Variants in PRKG1 observed in about 807,000 individuals in gnomAD.
PRKG1 encodes the protein cGMP-dependent protein kinase 1.
In PRKG1, 35 loss-of-function variants were observed where a neutral mutation model predicts 88.1. That is an observed-to-expected ratio of 0.40 (90% CI 0.30 to 0.53). PRKG1 has a LOEUF of 0.53. PRKG1 is among the 20% of genes least tolerant of loss of function. The pLI is 0.59. For missense variants in PRKG1, 540 were observed against 839.8 expected (o/e 0.64, Z 4.41); for synonymous variants, 303 against 292.5 (o/e 1.04, Z -0.37).
chr10:51,637,550 A>T (rs558596984), intron 3 of PRKG1, among the ~76,000 whole-genome samples: 9 of 152,378 alleles, frequency 5.9e-5, no homozygotes, highest in African/African-American at 2.2e-4. Flanking sequence ...TAGATAAAGA[A>T]AATGTTGTAT....
intron 9 of PRKG1, among the ~76,000 whole-genome samples, chr10:52,219,972 A>T (rs983074890): frequency 1.3e-5 from 2 of 151,390 alleles, no homozygotes; most frequent in African/African-American, 4.8e-5. Flanking sequence ...TGTGAACATC[A>T]TATTTGCCTC....
At chr10:52,082,485 C>A (rs149355178) in intron 7 of PRKG1, among the ~76,000 whole-genome samples, 1 of 152,218 alleles carries the variant, frequency 6.6e-6, no homozygotes, top group African/African-American at 2.4e-5. Context: ...CCTATCATGA[C>A]CATGTTACCA....
chr10:52,042,762 A>G (rs1166755424), intron 5 of PRKG1, among the ~76,000 whole-genome samples: 1 of 152,172 alleles, frequency 6.6e-6, no homozygotes, highest in Non-Finnish European at 1.5e-5. Flanking sequence ...CAGCAGGGGA[A>G]ACAATCAACA....
chr10:51,949,473 T>A (rs887824280), intron 5 of PRKG1, among the ~76,000 whole-genome samples: 19 of 151,204 alleles, frequency 1.3e-4, no homozygotes, highest in Non-Finnish European at 1.8e-4. Context: ...TATATATATA[T>A]AAATAAAATT....
chr10:51,439,241 A>G (rs1839027092), intron 2 of PRKG1, among the ~76,000 whole-genome samples: 1 of 152,002 alleles, frequency 6.6e-6, no homozygotes, highest in East Asian at 1.9e-4. Context: ...AATTAGTCAT[A>G]TAGTAGGTAC....
chr10:52,083,639 G>A (rs1846836015), intron 7 of PRKG1, among the ~76,000 whole-genome samples: 1 of 151,998 alleles, frequency 6.6e-6, no homozygotes, highest in African/African-American at 2.4e-5. Context: ...TACAAAAGTG[G>A]TTTTCTGACA....
rs116379932 is a variant in PRKG1, at chr10:51,364,741, T to C, written c.479-102982T>C. ...AAATATCTGAGAAATGTTTCATTTA[T>C]CTGGGTTGAATTTGTAAAATAATTG... is the stretch of plus-strand genomic sequence containing the variant. On this transcript the variant is annotated intron_variant, in intron 2 of 17. Coordinates refer to ENST00000373980, the MANE Select transcript of PRKG1 (RefSeq NM_006258.4). Among the ~76,000 whole-genome samples the C allele has an allele frequency of 4.3e-3, 654 of 152,072 alleles. 3 individuals carry two copies. Among genetic ancestry groups the C allele is most frequent in the African/African-American group, 0.014 (599 of 41,540 alleles).
intron 5 of PRKG1, among the ~76,000 whole-genome samples, chr10:51,967,174 T>C (rs533403532): frequency 6.6e-6 from 1 of 152,120 alleles, no homozygotes; most frequent in Non-Finnish European, 1.5e-5. Flanking sequence ...TGTCCAATAA[T>C]GATAGACTGG....
intron 10 of PRKG1, among the ~76,000 whole-genome samples, chr10:52,266,112 C>G (rs1401521205): frequency 6.6e-6 from 1 of 151,836 alleles, no homozygotes; most frequent in East Asian, 1.9e-4. Context: ...CCTATATACG[C>G]TGAACCCAAT....
At chr10:51,325,381 T>C (rs1385466850) in intron 2 of PRKG1, among the ~76,000 whole-genome samples, 1 of 152,068 alleles carries the variant, frequency 6.6e-6, no homozygotes, top group Non-Finnish European at 1.5e-5. Context: ...GTATTTTTAG[T>C]AGAGACGCAG....
intron 9 of PRKG1, among the ~76,000 whole-genome samples, chr10:52,209,713 A>C (rs1177432215): frequency 6.6e-6 from 1 of 152,126 alleles, no homozygotes; most frequent in East Asian, 1.9e-4. Flanking sequence ...TCTATATCAC[A>C]AAGCGGCAGC....
chr10:52,226,021 G>A (rs1468277144), intron 9 of PRKG1, among the ~76,000 whole-genome samples: 2 of 135,442 alleles, frequency 1.5e-5, no homozygotes, highest in Admixed American at 7.7e-5. Context: ...AAGTCATGAG[G>A]GTTGATTTTT....
At chr10:52,043,520 A>T (rs1010339918) in intron 5 of PRKG1, among the ~76,000 whole-genome samples, 1 of 152,084 alleles carries the variant, frequency 6.6e-6, no homozygotes, top group Non-Finnish European at 1.5e-5. Flanking sequence ...TTGTTTCATA[A>T]AAACAGAGAG....
intron 7 of PRKG1, among the ~76,000 whole-genome samples, chr10:52,084,968 C>T (rs1846875154): frequency 1.3e-5 from 2 of 151,888 alleles, no homozygotes; most frequent in South Asian, 2.1e-4. Flanking sequence ...TACATTGTCA[C>T]TCAATTTGAG....
chr10:52,155,251 T>C (rs1476693017), intron 8 of PRKG1, among the ~76,000 whole-genome samples: 1 of 152,166 alleles, frequency 6.6e-6, no homozygotes, highest in Non-Finnish European at 1.5e-5. Flanking sequence ...ATAGTGGTTA[T>C]ACTAGTTTAC....
rs1031846384 is a variant in PRKG1, at chr10:51,030,250, T to A, written c.266+38606T>A. On this transcript the variant is annotated intron_variant, in intron 1 of 17. Transcript: ENST00000401604. ...TGATAAATTATCTATAATTTATAAC[T>A]GTCAGAGAAAAGTTCTTCTTTTTCA... Among the ~76,000 whole-genome samples, 7 of 152,118 alleles carry A rather than the reference T, an allele frequency of 4.6e-5. No homozygotes were observed. The East Asian group carries it at 1.3e-3, about 29-fold the overall frequency.
intron 4 of PRKG1, among the ~76,000 whole-genome samples, chr10:51,827,772 C>T (rs1839912435): frequency 6.6e-6 from 1 of 152,126 alleles, no homozygotes; most frequent in Non-Finnish European, 1.5e-5. Flanking sequence ...GGATCTGTCA[C>T]AGATAAATTC....
At chr10:51,047,386 A>G (rs1255148586) in intron 1 of PRKG1, among the ~76,000 whole-genome samples, 3 of 152,198 alleles carry the variant, frequency 2.0e-5, no homozygotes, top group Non-Finnish European at 1.5e-5. Flanking sequence ...CAAAACACGT[A>G]GCTTGTTGCC....
At chr10:51,527,081 A>G (rs1409351) in intron 3 of PRKG1, among the ~76,000 whole-genome samples, 71,692 of 152,002 alleles carry the variant, frequency 0.47, 18,390 homozygotes, top group East Asian at 0.82. Flanking sequence ...TGTGTTCCCA[A>G]TAAAACTAGA....
Sources: allele counts gnomAD v4.1 joint callset (sites outside exome capture counted in the v4.1 genomes callset), GRCh38; gene constraint gnomAD v4.1.1; transcripts MANE v1.5; gene names NCBI Gene and HGNC (gene_info 2026-07-23, HGNC 2026-07-21).